ITGA3: variants seen among roughly 807,000 people sequenced by gnomAD.
ITGA3 encodes the protein integrin alpha-3.
In ITGA3, 70 loss-of-function variants were observed where a neutral mutation model predicts 131.1. The observed-to-expected ratio is 0.53, with a 90% CI of 0.44 to 0.65. The LOEUF (loss-of-function observed/expected upper bound fraction) is 0.65, where lower values mean the gene tolerates loss of function less well. Among genes scored for constraint, ITGA3 ranks in the 30% least tolerant of loss-of-function variants. ITGA3 has a pLI of 0.00. For missense variants in ITGA3, 1,098 were observed against 1,388.6 expected (o/e 0.79, Z 3.33); for synonymous variants, 537 against 571.6 (o/e 0.94, Z 0.86).
chr17:50,063,917 T>C (rs1908204533), intron 1 of ITGA3, 160 bp from the exon 2 acceptor site: 1 of 993,874 alleles, frequency 1.0e-6, no homozygotes. Context: ...AGTGTCTTTT[T>C]TCCTTGCCTG....
Position 50,079,417 on chromosome 17 carries a change from C to A in ITGA3, c.2584-18C>A. The A allele has an allele frequency of 6.5e-7, 1 of 1,549,532 alleles. No individual in the cohort carries two copies. The highest frequency in any genetic ancestry group is 1.2e-5 in the South Asian group (1 of 81,170). ...TTCTTCCTCTGCCCTGCCAGCAAAT[C>A]TCCTATTTCCTCTCCAGGACCCTGG... On this transcript the variant is annotated intron_variant, in intron 20 of 25. Coordinates refer to ENST00000320031, the MANE Select transcript of ITGA3 (RefSeq NM_002204.4).
In ITGA3 at chr17:50,074,490, CA is replaced by C. The variant is rs1390414800; in HGVS notation, c.1426del (p.Arg476GlyfsTer82). The C allele has an allele frequency of 1.2e-6, 2 of 1,614,116 alleles. No individual in the cohort carries two copies. The highest frequency in any genetic ancestry group is 1.7e-6 in the Non-Finnish European group (2 of 1,180,024). ...ACATCGTCCACAAGACCTTGGTGCCCAGGCCAGCTGTGCTGGACCCTGCACT... is the reference window on the plus strand; with the variant it reads ...ACATCGTCCACAAGACCTTGGTGCCCGGCCAGCTGTGCTGGACCCTGCACT... The part of the protein sequence containing the change: ...INIVHKTLVP[R>X]PAVLDPALCT... On this transcript the variant is annotated frameshift_variant, in exon 10 of 26. Coordinates refer to ENST00000320031, the MANE Select transcript of ITGA3 (RefSeq NM_002204.4). LOFTEE classifies it high-confidence loss of function.
At position 50,076,389 on chromosome 17, in the gene ITGA3, A is replaced by G. The variant is rs1298163719; in HGVS notation, c.1738A>G (p.Met580Val). The G allele has an allele frequency of 6.2e-7, 1 of 1,613,230 alleles. No homozygotes were observed. Among genetic ancestry groups the G allele is most frequent in the Non-Finnish European group, 8.5e-7 (1 of 1,179,982 alleles). The change falls in exon 13 of 26, where the codon ATG becomes GTG. Residue 580 changes from methionine (M) to valine (V), a missense_variant. By Grantham distance (21) the Met-to-Val change is conservative. Transcript: ENST00000320031. Reference protein sequence around the residue: ...ISMNYSLPLRMPDRPRLGLRS... With the variant: ...ISMNYSLPLRVPDRPRLGLRS... ...CATGAACTACTCTTTACCTTTGCGG[A>G]TGCCCGATCGCCCCCGGCTGGGGCT...
At chr17:50,059,698 A>G (rs547898794) in intron 1 of ITGA3, among the ~76,000 whole-genome samples, 1 of 152,310 alleles carries the variant, frequency 6.6e-6, no homozygotes, top group South Asian at 2.1e-4. Context: ...AAAAAGCAGC[A>G]GCGAAGGGGG....
intron 6 of ITGA3, 104 bp from the exon 7 acceptor site, chr17:50,071,882 T>C (rs1598187174): frequency 1.9e-6 from 2 of 1,030,496 alleles, no homozygotes; most frequent in East Asian, 5.1e-5. Flanking sequence ...GGAAGAGCCA[T>C]TTGCAGAGCC....
chr17:50,078,030 C>T lies in ITGA3; in HGVS notation c.2140-16C>T. The T allele has an allele frequency of 6.2e-7, 1 of 1,605,862 alleles. No individual in the cohort carries two copies. Reference sequence around the variant, plus strand: ...GCCCCATATGCCACTCTCTGCCTCCCTGACCCTTGTGGCAGATGGAGCTGC... The same window carrying T: ...GCCCCATATGCCACTCTCTGCCTCCTTGACCCTTGTGGCAGATGGAGCTGC... On this transcript the variant is annotated splice_polypyrimidine_tract_variant and intron_variant, in intron 16 of 25. Coordinates refer to ENST00000320031, the MANE Select transcript of ITGA3 (RefSeq NM_002204.4).
intron 22 of ITGA3, 28 bp from the exon 23 acceptor site, chr17:50,081,282 C>T (rs1164550775): frequency 6.8e-7 from 1 of 1,467,992 alleles, no homozygotes; most frequent in Admixed American, 1.9e-5. Context: ...TCAAGTGTTC[C>T]CCTTGACCCA....
At chr17:50,071,242 A>G (rs1908614595) in intron 5 of ITGA3, 69 bp from the exon 6 acceptor site, 1 of 1,342,554 alleles carries the variant, frequency 7.4e-7, no homozygotes. Flanking sequence ...GGGAATAGGG[A>G]GATGGGTCCA....
rs1403727013 is a variant in ITGA3 at position 50,071,431 on chromosome 17, A to T, written c.872A>T (p.Asp291Val). Residue 291 changes from aspartate (D) to valine (V), a missense_variant, in exon 6 of 26, where the codon GAC (aspartate) becomes GTC (valine). Transcript: ENST00000320031. ...TTGCTGAGCCAGGAGGCAGGCGGAG[A>T]CCTGCGGAGGAGGCAGGTGCTGGAG... Reference protein sequence around the residue: ...VFLLSQEAGGDLRRRQVLEGS... With the variant: ...VFLLSQEAGGVLRRRQVLEGS... 6.2e-7 allele frequency: 1 copy of T among 1,613,964 alleles called. No homozygotes were observed. The highest frequency in any genetic ancestry group is 1.7e-5 in the Admixed American group (1 of 60,014).
chr17:50,088,415 C>A, intron 25 of ITGA3, 49 bp downstream of exon 25: 1 of 989,012 alleles, frequency 1.0e-6, no homozygotes, highest in Non-Finnish European at 1.6e-6. Context: ...GCTGGCCGGG[C>A]CTCTGACTCT....
rs1267865628 is a variant in ITGA3 at position 50,078,908 on chromosome 17, C to T, written c.2382C>T (p.Pro794=). 2 of 1,609,676 alleles carry T rather than the reference C, an allele frequency of 1.2e-6. No individual in the cohort carries two copies. Among genetic ancestry groups the T allele is most frequent in the Admixed American group, 1.7e-5 (1 of 59,992 alleles). ...GMKTVEDVGS[P]LKYEFQVGPM... is the part of the protein sequence containing the mutation. ...AAACTGTGGAGGATGTAGGAAGCCCCCTCAAGTATGAATTCCAGGTAAGGG... is the reference window on the plus strand; with the variant it reads ...AAACTGTGGAGGATGTAGGAAGCCCTCTCAAGTATGAATTCCAGGTAAGGG... The change falls in exon 19 of 26, where the codon CCC becomes CCT. Residue 794 remains proline (P), a synonymous_variant. Transcript: ENST00000320031.
At chr17:50,086,707 A>AC (rs1555557256) in intron 23 of ITGA3, 1 of 148,172 alleles carries the variant, frequency 6.7e-6, no homozygotes, top group Non-Finnish European at 1.5e-5. Context: ...AAAAAAAAAA[A>AC]CCTCATATAC....
rs1351520870 is a variant in ITGA3 at position 50,087,791 on chromosome 17, A to T, written c.2967A>T (p.Glu989Asp). The T allele has an allele frequency of 1.9e-6, 3 of 1,613,274 alleles. No individual in the cohort carries two copies. The highest frequency in any genetic ancestry group is 1.1e-5 in the South Asian group (1 of 91,032). The change falls in exon 24 of 26, where the codon GAA becomes GAT. Residue 989 changes from glutamate to aspartate, a missense_variant. Physicochemically the swap from Glu to Asp is conservative, Grantham distance 45. Transcript: ENST00000320031. Reference sequence around the variant, plus strand: ...AGCTGGTGGAGGAGCTGCCGGCCGAAATCGAGCTGTGGCTGGTGCTGGTGG... The same window carrying T: ...AGCTGGTGGAGGAGCTGCCGGCCGATATCGAGCTGTGGCTGGTGCTGGTGG... ...DSELVEELPA[E>D]IELWLVLVAV...
intron 23 of ITGA3, 56 bp from the exon 24 acceptor site, chr17:50,087,688 T>G: frequency 1.3e-6 from 2 of 1,562,618 alleles, no homozygotes. Context: ...ATAGGAAGGG[T>G]GAGGATGGGC....
chr17:50,064,888 C>A lies in ITGA3; in HGVS notation c.414+281C>A, dbSNP rs1320687616. 9.5e-6 allele frequency: 3 copies of A among 317,270 alleles called. No individual in the cohort carries two copies. The highest frequency in any genetic ancestry group is 1.7e-5 in the Non-Finnish European group (3 of 172,244). The allele number at this position is 317,270 out of a possible 1,614,324, so 19.7% of individuals were successfully genotyped here. A position where few individuals can be genotyped will look rare whatever the true frequency, so the allele number is the denominator to read the frequency against. On this transcript the variant is annotated intron_variant, in intron 3 of 25. Transcript: ENST00000320031. The surrounding 1 kb of genome is among the most constrained non-coding windows in gnomAD (Gnocchi z 4.4). The stretch of plus-strand genomic sequence containing the variant: ...GGTGCTCAGCCTTCGTGGGAACAAG[C>A]CGAGGGAGCCGAGGGAACTGCAAGG...
At chr17:50,057,587 T>C (rs986718108) in intron 1 of ITGA3, among the ~76,000 whole-genome samples, 3 of 152,154 alleles carry the variant, frequency 2.0e-5, no homozygotes, top group African/African-American at 7.2e-5. Flanking sequence ...AGGTTGGCGG[T>C]TGGGGGAGGT....
intron 22 of ITGA3, 51 bp downstream of exon 22, chr17:50,080,426 A>G: frequency 1.8e-6 from 2 of 1,101,402 alleles, no homozygotes; most frequent in East Asian, 4.8e-5. Flanking sequence ...TGAGGGGGAG[A>G]ACAACAGGGA....
In ITGA3 at chr17:50,072,196, C is replaced by T. The variant is rs777049499; in HGVS notation, c.1156+14C>T. The stretch of plus-strand genomic sequence containing the variant: ...ATGGATTTCAGGGTATGAGCCAGCA[C>T]TCCTCCCCCAGCACCCCTCCTCCAG... On this transcript the variant is annotated intron_variant, in intron 7 of 25. Coordinates refer to ENST00000320031, the MANE Select transcript of ITGA3 (RefSeq NM_002204.4). 9 of 1,605,818 alleles carry T rather than the reference C, an allele frequency of 5.6e-6. No individual in the cohort carries two copies. The highest frequency in any genetic ancestry group is 2.2e-5 in the East Asian group (1 of 44,820).
At chr17:50,080,205 C>A in intron 21 of ITGA3, 57 bp from the exon 22 acceptor site, 2 of 1,062,258 alleles carry the variant, frequency 1.9e-6, no homozygotes, top group Admixed American at 3.8e-5. Flanking sequence ...AGGAGCAAGG[C>A]ATGAAGAATC....
Sources: allele counts gnomAD v4.1 joint callset (sites outside exome capture counted in the v4.1 genomes callset), GRCh38; gene constraint gnomAD v4.1.1; non-coding constraint Gnocchi (gnomAD v3.1); transcripts MANE v1.5; gene names NCBI Gene and HGNC (gene_info 2026-07-23, HGNC 2026-07-21).